Variants in PUDP observed in about 807,000 individuals in gnomAD.
PUDP encodes pseudouridine-5'-phosphatase.
Under a neutral mutation model 9.4 loss-of-function variants are expected in PUDP, and 8 were observed. That is an observed-to-expected ratio of 0.85 (90% confidence interval 0.50 to 1.53). The LOEUF is 1.53. Ranked by LOEUF, PUDP falls within the 40% of genes most tolerant of loss-of-function variation. PUDP has a pLI of 0.00. For synonymous variants in PUDP, 99 were observed against 80.7 expected (o/e 1.23, Z -1.22); for missense variants, 188 against 189.7 (o/e 0.99, Z 0.05).
rs1276458380 is a variant in PUDP at position 7,088,247 on chromosome X, A to AT, written c.281-10799dup. Among the ~76,000 whole-genome samples the AT allele has an allele frequency of 7.3e-4, 80 of 109,253 alleles. 1 individual carries two copies. The highest frequency in any genetic ancestry group is 2.5e-3 in the African/African-American group (74 of 30,065). The allele number at this position is 109,253 out of a possible 115,157, so 94.9% of individuals were successfully genotyped here. ...AGTAAACGTAGGACTACAGCGTGTAATTTTTTTTTTAAGTAGCAACAGGAT... is the reference window on the plus strand; with the variant it reads ...AGTAAACGTAGGACTACAGCGTGTAATTTTTTTTTTTAAGTAGCAACAGGAT... On this transcript the variant is annotated intron_variant, in intron 2 of 3. Transcript: ENST00000381077.
intron 1 of PUDP, among the ~76,000 whole-genome samples, chrX:6,716,620 T>C (rs951024636): frequency 9.7e-6 from 1 of 103,178 alleles, no homozygotes; most frequent in African/African-American, 3.6e-5. Flanking sequence ...CCTTTAAATA[T>C]ATTTCTATGT....
chrX:6,768,253 G>A (rs1925310380), intron 3 of PUDP, among the ~76,000 whole-genome samples: 1 of 111,658 alleles, frequency 9.0e-6, no homozygotes, highest in Admixed American at 9.6e-5. Flanking sequence ...GTTGAGGCCA[G>A]GGATGCTGCT....
At chrX:7,142,619 A>G (rs1425042379) in intron 1 of PUDP, among the ~76,000 whole-genome samples, 1 of 108,043 alleles carries the variant, frequency 9.3e-6, no homozygotes, top group Admixed American at 1.0e-4. Flanking sequence ...AAGCAGCAGC[A>G]GCAGAGTTTG....
chrX:7,078,184 G>T (rs966840014), intron 2 of PUDP, among the ~76,000 whole-genome samples: 2 of 112,545 alleles, frequency 1.8e-5, no homozygotes, highest in African/African-American at 6.5e-5. Context: ...ATCATGAGAG[G>T]ACTAGTTATC....
downstream of PUDP, among the ~76,000 whole-genome samples, chrX:7,044,282 T>C (rs1211338331): frequency 8.9e-6 from 1 of 112,045 alleles, no homozygotes; most frequent in Non-Finnish European, 1.9e-5. Context: ...ATACTCTTGA[T>C]GAAACAGATA....
intron 3 of PUDP, among the ~76,000 whole-genome samples, chrX:6,769,367 G>A (rs1263241876): frequency 8.9e-6 from 1 of 111,879 alleles, no homozygotes; most frequent in African/African-American, 3.2e-5. Context: ...GGCGGGGAAG[G>A]CAGAACAATC....
chrX:7,091,490 C>A (rs1410621663), intron 2 of PUDP, among the ~76,000 whole-genome samples: 4 of 111,606 alleles, frequency 3.6e-5, no homozygotes, highest in Non-Finnish European at 7.5e-5. Context: ...AGGCGCCCGC[C>A]ACCATGCCCA....
chrX:6,760,759 A>G (rs1044692119), intron 3 of PUDP, among the ~76,000 whole-genome samples: 6 of 111,674 alleles, frequency 5.4e-5, no homozygotes, highest in African/African-American at 2.0e-4. Flanking sequence ...AGATTTTTCT[A>G]CCTGTGGAAT....
intron 1 of PUDP, among the ~76,000 whole-genome samples, chrX:7,034,186 C>G (rs1929825736): frequency 8.9e-6 from 1 of 112,066 alleles, no homozygotes; most frequent in Non-Finnish European, 1.9e-5. Context: ...TGGGACAAGA[C>G]AAAGCAGGGC....
intron 1 of PUDP, among the ~76,000 whole-genome samples, chrX:6,981,046 G>T (rs1190943735): frequency 8.9e-6 from 1 of 111,818 alleles, no homozygotes; most frequent in African/African-American, 3.2e-5. Flanking sequence ...ACACAACCCA[G>T]CATGAGACCG....
chrX:6,932,236 G>A (rs1183943036), intron 3 of PUDP, among the ~76,000 whole-genome samples: 5 of 111,146 alleles, frequency 4.5e-5, no homozygotes, highest in African/African-American at 1.6e-4. Flanking sequence ...AGACAGAGGT[G>A]GGCTTACCTG....
At chrX:6,987,460 C>A (rs1929118372) in intron 1 of PUDP, among the ~76,000 whole-genome samples, 1 of 111,906 alleles carries the variant, frequency 8.9e-6, no homozygotes, top group Admixed American at 9.5e-5. Flanking sequence ...CATCACTGAG[C>A]TTTCGTTGTA....
intron 3 of PUDP, among the ~76,000 whole-genome samples, chrX:6,944,849 G>A (rs1029423130): frequency 5.4e-5 from 6 of 111,026 alleles, no homozygotes; most frequent in African/African-American, 2.0e-4. Context: ...TCATGCCCAT[G>A]GACCAGAGCT....
In PUDP at chrX:6,780,063, A is replaced by T. The variant is rs765491605; in HGVS notation, c.*248-73597T>A. On this transcript the variant is annotated intron_variant and NMD_transcript_variant, in intron 3 of 3. Transcript: ENST00000655425. ...AGATAGACACATTCTTCTCTTTAAA[A>T]CCTCAAAAATATTAGGCATATTCAG... 2.7e-5 allele frequency among the ~76,000 whole-genome samples: 3 copies of T among 110,362 alleles called. No homozygotes were observed. In the East Asian group the frequency reaches 8.6e-4, roughly 31 times the overall value.
At chrX:6,731,190 C>A (rs923464017) in intron 3 of PUDP, among the ~76,000 whole-genome samples, 1 of 112,285 alleles carries the variant, frequency 8.9e-6, no homozygotes, top group African/African-American at 3.2e-5. Flanking sequence ...CCTGTCTCAG[C>A]CCCCTGAGTA....
At chrX:7,016,988 C>T (rs760887758) in intron 1 of PUDP, among the ~76,000 whole-genome samples, 1 of 111,510 alleles carries the variant, frequency 9.0e-6, no homozygotes, top group Admixed American at 9.5e-5. Context: ...GCTTCAACTT[C>T]TGCAATGACC....
intron 3 of PUDP, among the ~76,000 whole-genome samples, chrX:6,854,783 G>A (rs993098138): frequency 2.5e-4 from 27 of 109,955 alleles, no homozygotes; most frequent in African/African-American, 8.6e-4. Flanking sequence ...TGAAGAGGCT[G>A]AAGAGGAGGA....
chrX:6,767,289 G>C (rs1320992261), intron 3 of PUDP, among the ~76,000 whole-genome samples: 5 of 112,597 alleles, frequency 4.4e-5, no homozygotes, highest in Non-Finnish European at 9.4e-5. Flanking sequence ...CTTACTGTTT[G>C]TAAAGCACCT....
chrX:6,758,136 TCA>T (rs1174954345), intron 3 of PUDP, among the ~76,000 whole-genome samples: 3 of 111,939 alleles, frequency 2.7e-5, no homozygotes, highest in Non-Finnish European at 5.6e-5. Flanking sequence ...AAAAAATATA[TCA>T]GTGTCAAGCT....
Sources: gnomAD v4.1 joint callset for allele counts (sites outside exome capture counted in the v4.1 genomes callset) on GRCh38, gnomAD v4.1.1 for gene constraint, MANE v1.5 for transcripts, NCBI Gene and HGNC (gene_info 2026-07-23, HGNC 2026-07-21) for gene names.